MTUS2: variants seen among roughly 807,000 people sequenced by gnomAD.
MTUS2 encodes microtubule-associated tumor suppressor candidate 2.
Under a neutral mutation model 114.1 loss-of-function variants are expected in MTUS2, and 40 were observed. The ratio of observed to expected loss-of-function variants is 0.35; its 90% CI spans 0.27 to 0.46. MTUS2 has a LOEUF of 0.46. MTUS2 is among the 20% of genes least tolerant of loss of function. The probability of loss-of-function intolerance (pLI) is 1.00; values close to 1 mark genes in which losing one functional copy is unlikely to be tolerated. For synonymous variants in MTUS2, 688 were observed against 672.0 expected, an observed-to-expected ratio of 1.02 and a Z score of -0.37; for missense variants, 1,679 against 1,705.4, an observed-to-expected ratio of 0.98 and a Z score of 0.27.
At chr13:28,905,165 G>T (rs1438558343) in intron 2 of MTUS2, among the ~76,000 whole-genome samples, 4 of 151,506 alleles carry the variant, frequency 2.6e-5, no homozygotes, top group Non-Finnish European at 2.9e-5. Context: ...CTGAGAAAAT[G>T]GGGTTTTCTA....
At chr13:29,370,532 C>T (rs1224302625) in intron 8 of MTUS2, among the ~76,000 whole-genome samples, 1 of 152,150 alleles carries the variant, frequency 6.6e-6, no homozygotes, top group Non-Finnish European at 1.5e-5. Context: ...ATGGCATTAT[C>T]CTGGAGTGGA....
intron 5 of MTUS2, chr13:29,240,064 A>G (rs1203483694): frequency 6.6e-6 from 1 of 152,108 alleles, no homozygotes; most frequent in Non-Finnish European, 1.5e-5. Flanking sequence ...TAGACCTCCT[A>G]GGGTGAAGAA....
At chr13:28,965,612 A>ATG (rs1022970200) in intron 2 of MTUS2, among the ~76,000 whole-genome samples, 37 of 152,114 alleles carry the variant, frequency 2.4e-4, no homozygotes, top group African/African-American at 5.1e-4. Flanking sequence ...ATATACATAT[A>ATG]TGTGTGTGTG....
Position 29,480,015 on chromosome 13 carries a change from T to C in MTUS2, c.3185-135T>C, listed in dbSNP as rs1404015894. ...GTGGAAAGGAAAGCACTTTACAAAC[T>C]GTGTAGCCCTGCAGAAGTCAGAGGA... On this transcript the variant is annotated intron_variant, in intron 9 of 15. Transcript: ENST00000612955. This position sits in a 1 kb window ranked among gnomAD's most constrained non-coding sequence, Gnocchi z 4.4. 1.3e-6 allele frequency: 1 copy of C among 790,034 alleles called. No homozygotes were observed. Among genetic ancestry groups the C allele is most frequent in the South Asian group, 1.9e-5 (1 of 51,672 alleles). The allele number at this position is 790,034 out of a possible 1,614,324, so 48.9% of individuals were successfully genotyped here.
At chr13:29,383,654 G>C (rs1030801055) in intron 8 of MTUS2, among the ~76,000 whole-genome samples, 24 of 152,108 alleles carry the variant, frequency 1.6e-4, no homozygotes, top group African/African-American at 5.1e-4. Context: ...CCTTTTGCAG[G>C]GCAGAACCAG....
intron 4 of MTUS2, among the ~76,000 whole-genome samples, chr13:29,073,853 GGTTCCCTTGGAGATCTTTCAGGTA>G (rs1889058713): frequency 3.5e-5 from 1 of 28,200 alleles, no homozygotes. Flanking sequence ...TAACTACAGT[GGTTCCCTTGGAGATCTTTCAGGTA>G]TGTAGACCTT....
chr13:29,112,401 T>G (rs941968643), intron 5 of MTUS2, among the ~76,000 whole-genome samples: 3 of 152,062 alleles, frequency 2.0e-5, no homozygotes, highest in Non-Finnish European at 4.4e-5. Context: ...TGTTTTGATA[T>G]TGAGGAGAAT....
At chr13:28,950,783 A>C (rs1405420887) in intron 2 of MTUS2, among the ~76,000 whole-genome samples, 1 of 152,242 alleles carries the variant, frequency 6.6e-6, no homozygotes, top group Non-Finnish European at 1.5e-5. Context: ...CAGATATATT[A>C]ATAATGAAAA....
At chr13:29,034,187 T>C in intron 4 of MTUS2, 62 bp downstream of exon 4, 1 of 1,597,778 alleles carries the variant, frequency 6.3e-7, no homozygotes, top group South Asian at 1.1e-5. Context: ...TCATGTAAGA[T>C]GGTGATAATT....
At chr13:29,433,161 GAT>G (rs1216084510) in intron 8 of MTUS2, among the ~76,000 whole-genome samples, 1 of 152,088 alleles carries the variant, frequency 6.6e-6, no homozygotes, top group African/African-American at 2.4e-5. Flanking sequence ...ATCCAGGTAT[GAT>G]GTGATATTCC....
chr13:29,473,152 G>A (rs1047068457), intron 9 of MTUS2, among the ~76,000 whole-genome samples: 3 of 151,792 alleles, frequency 2.0e-5, no homozygotes, highest in African/African-American at 4.8e-5. Context: ...ATGGTAACAT[G>A]TATATATATT....
chr13:28,938,275 A>T (rs757718395), intron 2 of MTUS2, among the ~76,000 whole-genome samples: 3 of 151,886 alleles, frequency 2.0e-5, no homozygotes, highest in Non-Finnish European at 4.4e-5. Context: ...CTAGCTACTC[A>T]GGAGGCTGAG....
At chr13:29,062,711 T>C (rs746191317) in intron 4 of MTUS2, among the ~76,000 whole-genome samples, 1 of 152,188 alleles carries the variant, frequency 6.6e-6, no homozygotes, top group Non-Finnish European at 1.5e-5. Context: ...ATGTTGATCC[T>C]GTAAGTATCA....
At chr13:28,877,704 CA>C (rs11356886) in intron 2 of MTUS2, among the ~76,000 whole-genome samples, 3,452 of 152,252 alleles carry the variant, frequency 0.023, 130 homozygotes, top group African/African-American at 0.077. Context: ...AGAAGATACT[CA>C]GAAGCTTTCA....
chr13:29,365,783 C>A (rs552595103), intron 8 of MTUS2, among the ~76,000 whole-genome samples: 2 of 152,312 alleles, frequency 1.3e-5, no homozygotes, highest in African/African-American at 4.8e-5. Context: ...CTCAACCTTT[C>A]TAGACCCATG....
intron 2 of MTUS2, among the ~76,000 whole-genome samples, chr13:28,977,173 G>C (rs1029511104): frequency 2.0e-5 from 3 of 152,124 alleles, no homozygotes; most frequent in Non-Finnish European, 4.4e-5. Context: ...GAGAGGGGAT[G>C]ATGAGTCAGT....
Position 28,976,203 on chromosome 13 carries a change from C to CAA in MTUS2, c.-242-48234_-242-48233dup, listed in dbSNP as rs71090215. Among the ~76,000 whole-genome samples, 793 of 89,998 alleles carry CAA rather than the reference C, an allele frequency of 8.8e-3. 12 individuals carry two copies. Among genetic ancestry groups the CAA allele is most frequent in the African/African-American group, 0.019 (441 of 22,954 alleles). The allele number at this position is 89,998 out of a possible 152,430, so 59.0% of individuals were successfully genotyped here. ...TAGATGACAGAATGAGACCTTGTCT[C>CAA]AAAAAAAAAAAAAAAAAAAAAGAAA... On this transcript the variant is annotated intron_variant, in intron 2 of 15. Coordinates refer to ENST00000612955, the MANE Select transcript of MTUS2 (RefSeq NM_001033602.4).
intron 4 of MTUS2, chr13:29,072,250 G>T (rs895138817): frequency 3.3e-5 from 5 of 152,134 alleles, no homozygotes; most frequent in African/African-American, 1.2e-4. Flanking sequence ...CTCAGTAAAT[G>T]TTGGTTGTTA....
chr13:29,471,114 G>A (rs909776082), intron 9 of MTUS2, among the ~76,000 whole-genome samples: 7 of 151,990 alleles, frequency 4.6e-5, no homozygotes, highest in Admixed American at 3.3e-4. Context: ...AGGCTGAGGC[G>A]GGCAGCTCAC....
Sources: gnomAD v4.1 joint callset for allele counts (sites outside exome capture counted in the v4.1 genomes callset) on GRCh38, gnomAD v4.1.1 for gene constraint, Gnocchi (gnomAD v3.1) non-coding constraint, MANE v1.5 for transcripts, NCBI Gene and HGNC (gene_info 2026-07-23, HGNC 2026-07-21) for gene names.